Variants in C4orf46 observed in about 807,000 individuals in gnomAD.
C4orf46 encodes the protein chromosome 4 open reading frame 46.
C4orf46 carries 8 observed loss-of-function variants against 9.1 expected under a neutral mutation model. The observed-to-expected ratio is 0.88, with a 90% CI of 0.52 to 1.59. The LOEUF (loss-of-function observed/expected upper bound fraction) is 1.59. Among genes scored for constraint, C4orf46 ranks in the 40% most tolerant of loss-of-function variants. The pLI, the probability that C4orf46 is intolerant of heterozygous loss-of-function variation, is 0.00. For missense variants in C4orf46, 151 were observed against 139.1 expected (o/e 1.09, Z -0.43); for synonymous variants, 51 against 58.8 (o/e 0.87, Z 0.61).
rs1171773479 is a variant in C4orf46, at chr4:158,669,615, A to G, written c.340T>C (p.Ter114ArgextTer29). ...ATTAAACAACGAAGTATGCCAAATCAGTCATCAGGTTTCAAAGAATCATAG... is the reference window on the plus strand; with the variant it reads ...ATTAAACAACGAAGTATGCCAAATCGGTCATCAGGTTTCAAAGAATCATAG... ...EGYDSLKPDD[*>R] The change falls in exon 2 of 2, where the codon TGA becomes CGA. Residue 114 changes from the stop codon to arginine, a stop_lost. Coordinates refer to ENST00000379205, the MANE Select transcript of C4orf46 (RefSeq NM_001008393.4). 1.2e-6 allele frequency: 2 copies of G among 1,611,720 alleles called. No individual in the cohort carries two copies. The highest frequency in any genetic ancestry group is 2.2e-5 in the South Asian group (2 of 90,396).
At position 158,667,954 on chromosome 4, in the gene C4orf46, C is replaced by T. The variant is rs145769470; in HGVS notation, c.*1659G>A. Reference sequence around the variant, plus strand: ...AAAAACACATGCTATATTATGCCCCCTCTAGTGGTTACCTCTGGGGACTCT... The same window carrying T: ...AAAAACACATGCTATATTATGCCCCTTCTAGTGGTTACCTCTGGGGACTCT... On this transcript the variant is annotated 3_prime_UTR_variant, in exon 2 of 2. Transcript: ENST00000379205. 1.4e-4 allele frequency: 22 copies of T among 152,244 alleles called. No homozygotes were observed. Among genetic ancestry groups the T allele is most frequent in the African/African-American group, 5.1e-4 (21 of 41,528 alleles). 9.4% of individuals were successfully genotyped at this position (152,244 alleles called of 1,614,324 possible). A position where few individuals can be genotyped will look rare whatever the true frequency, so the allele number is the denominator to read the frequency against.
Position 158,667,370 on chromosome 4 carries a change from AC to A in C4orf46, c.*2242del, listed in dbSNP as rs1370910428. ...GGACTATTTTTATGACATTTCCTATACAAAAACCAGAAAAAGCAAATCATTA... is the reference window on the plus strand; with the variant it reads ...GGACTATTTTTATGACATTTCCTATAAAAAACCAGAAAAAGCAAATCATTA... On this transcript the variant is annotated 3_prime_UTR_variant, in exon 2 of 2. Transcript: ENST00000379205. 6.6e-6 allele frequency: 1 copy of A among 152,240 alleles called. No individual in the cohort carries two copies. The highest frequency in any genetic ancestry group is 1.5e-5 in the Non-Finnish European group (1 of 68,048). The allele number at this position is 152,240 out of a possible 1,614,324, so 9.4% of individuals were successfully genotyped here.
At chr4:158,671,588 G>A (rs775644595) in intron 1 of C4orf46, 28 bp downstream of exon 1, 10 of 1,459,382 alleles carry the variant, frequency 6.9e-6, no homozygotes, top group Non-Finnish European at 9.1e-6. Context: ...GGCGCCGAGG[G>A]GGGACGCGGT....
chr4:158,667,811 T>C lies in C4orf46; in HGVS notation c.*1802A>G, dbSNP rs1773420873. 6.6e-6 allele frequency: 1 copy of C among 152,180 alleles called. No homozygotes were observed. The highest frequency in any genetic ancestry group is 1.5e-5 in the Non-Finnish European group (1 of 68,062). The allele number at this position is 152,180 out of a possible 1,614,324, so 9.4% of individuals were successfully genotyped here. On this transcript the variant is annotated 3_prime_UTR_variant, in exon 2 of 2. Transcript: ENST00000379205. Reference sequence around the variant, plus strand: ...CACTGTAAAATGCAGGAGAAGGCTATACTGGGGCATGAACACCAGGAGGCC... The same window carrying C: ...CACTGTAAAATGCAGGAGAAGGCTACACTGGGGCATGAACACCAGGAGGCC...
In C4orf46 at chr4:158,669,545, C is replaced by A; in HGVS notation, c.*68G>T. The A allele has an allele frequency of 6.7e-7, 1 of 1,491,546 alleles. No individual in the cohort carries two copies. Among genetic ancestry groups the A allele is most frequent in the Non-Finnish European group, 9.3e-7 (1 of 1,077,684 alleles). The allele number at this position is 1,491,546 out of a possible 1,614,324, so 92.4% of individuals were successfully genotyped here. Reference sequence around the variant, plus strand: ...CAGAGGTCATCCTATATGTGTGGTACATGTACAAAATATGACATAAGAAGT... The same window carrying A: ...CAGAGGTCATCCTATATGTGTGGTAAATGTACAAAATATGACATAAGAAGT... On this transcript the variant is annotated 3_prime_UTR_variant, in exon 2 of 2. Transcript: ENST00000379205.
chr4:158,667,079 A>G lies in C4orf46; in HGVS notation c.*2534T>C, dbSNP rs1773398941. On this transcript the variant is annotated 3_prime_UTR_variant, in exon 2 of 2. Transcript: ENST00000379205. ...CAAGCACCTTTAGCTCGAAATAATC[A>G]GTATGCCAAATCGGCATATTTGGGG... is the stretch of plus-strand genomic sequence containing the variant. The G allele has an allele frequency of 6.6e-6, 1 of 152,206 alleles. No individual in the cohort carries two copies. The highest frequency in any genetic ancestry group is 2.1e-4 in the South Asian group (1 of 4,826). 9.4% of individuals were successfully genotyped at this position (152,206 alleles called of 1,614,324 possible).
rs140720883 is a variant in C4orf46, at chr4:158,671,639, C to T, written c.163G>A (p.Glu55Lys). ...SSGPTVDQLE[E>K]VELQIGDAAF... is the part of the protein sequence containing the mutation. ...ACGTCTCCGATCTGCAGCTCCACTT[C>T]CTCCAGCTGGTCCACCGTTGGGCCG... is the stretch of plus-strand genomic sequence containing the variant. Residue 55 changes from glutamate (E) to lysine (K), a missense_variant, in exon 1 of 2, where the codon GAA (glutamate) becomes AAA (lysine). Glu to Lys is a moderately conservative substitution (Grantham distance 56, BLOSUM62 1). Coordinates refer to ENST00000379205, the MANE Select transcript of C4orf46 (RefSeq NM_001008393.4). 2.5e-5 allele frequency: 39 copies of T among 1,585,314 alleles called. 1 individual carries two copies. The African/African-American group carries it at 4.8e-4, about 19-fold the overall frequency.
At chr4:158,671,567 G>A in intron 1 of C4orf46, 49 bp downstream of exon 1, 3 of 1,406,508 alleles carry the variant, frequency 2.1e-6, no homozygotes, top group Non-Finnish European at 2.8e-6. Context: ...GCCGCCGCCG[G>A]TCTTCCCAGA....
Position 158,671,827 on chromosome 4 carries a change from C to G in C4orf46, c.-26G>C, listed in dbSNP as rs1292201619. On this transcript the variant is annotated 5_prime_UTR_variant, in exon 1 of 2. Transcript: ENST00000379205. Reference sequence around the variant, plus strand: ...GGGGAAGGGTTGGGACCGCGGAATCCGACCCGAGAAGCCGAACCGACACCA... The same window carrying G: ...GGGGAAGGGTTGGGACCGCGGAATCGGACCCGAGAAGCCGAACCGACACCA... 2.7e-6 allele frequency: 4 copies of G among 1,461,370 alleles called. No homozygotes were observed. The East Asian group carries it at 1.1e-4, about 39-fold the overall frequency. 90.5% of individuals were successfully genotyped at this position (1,461,370 alleles called of 1,614,324 possible).
chr4:158,671,616 G>T lies in C4orf46; in HGVS notation c.186C>A (p.Asp62Glu). ...QLEEVELQIG[D>E]AAFSLTKLLE... ...GACGCGGTCCCGACACCACACTCAC[G>T]TCTCCGATCTGCAGCTCCACTTCCT... is the stretch of plus-strand genomic sequence containing the variant. The change falls in exon 1 of 2, where the codon GAC (aspartate) becomes GAA (glutamate). Residue 62 changes from aspartate (D) to glutamate (E), a missense_variant and splice_region_variant. Asp to Glu is a conservative substitution (Grantham distance 45). Transcript: ENST00000379205. 1.3e-6 allele frequency: 2 copies of T among 1,546,740 alleles called. No individual in the cohort carries two copies. The highest frequency in any genetic ancestry group is 1.8e-6 in the Non-Finnish European group (2 of 1,142,494).
Position 158,667,122 on chromosome 4 carries a change from C to T in C4orf46, c.*2491G>A, listed in dbSNP as rs914066336. On this transcript the variant is annotated 3_prime_UTR_variant, in exon 2 of 2. Coordinates refer to ENST00000379205, the MANE Select transcript of C4orf46 (RefSeq NM_001008393.4). Reference sequence around the variant, plus strand: ...ATTTGGGGGTGGCATGTTCAAATTTCCTTCAGATAAAAAGAACAGAAAGGT... The same window carrying T: ...ATTTGGGGGTGGCATGTTCAAATTTTCTTCAGATAAAAAGAACAGAAAGGT... 3 of 152,154 alleles carry T rather than the reference C, an allele frequency of 2.0e-5. No homozygotes were observed. Among genetic ancestry groups the T allele is most frequent in the African/African-American group, 7.2e-5 (3 of 41,436 alleles). The allele number at this position is 152,154 out of a possible 1,614,324, so 9.4% of individuals were successfully genotyped here.
rs1345984969 is a variant in C4orf46, at chr4:158,668,336, TG to T, written c.*1276del. 1 of 152,674 alleles carries T rather than the reference TG, an allele frequency of 6.5e-6. No homozygotes were observed. The highest frequency in any genetic ancestry group is 1.5e-5 in the Non-Finnish European group (1 of 68,042). 9.5% of individuals were successfully genotyped at this position (152,674 alleles called of 1,614,324 possible). On this transcript the variant is annotated 3_prime_UTR_variant, in exon 2 of 2. Transcript: ENST00000379205. ...TTTGGTATAGAAATCACACCCTATGTGTTTATCTTTAACTAAAAAAACTAAT... is the reference window on the plus strand; with the variant it reads ...TTTGGTATAGAAATCACACCCTATGTTTTATCTTTAACTAAAAAAACTAAT...
At chr4:158,671,270 G>A (rs1016883556) in intron 1 of C4orf46, among the ~76,000 whole-genome samples, 1 of 152,246 alleles carries the variant, frequency 6.6e-6, no homozygotes, top group African/African-American at 2.4e-5. Flanking sequence ...AAAGGAGGAG[G>A]CAGAGAGCCA....
chr4:158,669,343 T>C lies in C4orf46; in HGVS notation c.*270A>G. 1 of 281,266 alleles carries C rather than the reference T, an allele frequency of 3.6e-6. No individual in the cohort carries two copies. The highest frequency in any genetic ancestry group is 6.6e-6 in the Non-Finnish European group (1 of 150,412). The allele number at this position is 281,266 out of a possible 1,614,324, so 17.4% of individuals were successfully genotyped here. A position where few individuals can be genotyped will look rare whatever the true frequency, so the allele number is the denominator to read the frequency against. On this transcript the variant is annotated 3_prime_UTR_variant, in exon 2 of 2. Transcript: ENST00000379205. ...GGTAGCACTGTGGCTCTATTAATAT[T>C]AACCGTCTATTGATGAAGTTAACTT...
chr4:158,671,590 G>A, intron 1 of C4orf46, 26 bp downstream of exon 1: 1 of 1,459,588 alleles, frequency 6.9e-7, no homozygotes, highest in South Asian at 1.4e-5. Flanking sequence ...CGCCGAGGGG[G>A]GACGCGGTCC....
At position 158,669,693 on chromosome 4, in the gene C4orf46, A is replaced by C. The variant is rs780878022; in HGVS notation, c.262T>G (p.Cys88Gly). The change falls in exon 2 of 2, where the codon TGT becomes GGT. Residue 88 changes from cysteine to glycine, a missense_variant. By Grantham distance (159) the Cys-to-Gly change is radical. Coordinates refer to ENST00000379205, the MANE Select transcript of C4orf46 (RefSeq NM_001008393.4). ...SAQVEELAFK[C>G]TENARFLKTW... ...TTAAGGAAACGTGCATTTTCTGTAC[A>C]TTTGAAGGCAAGTTCTTCCACTTGA... is the stretch of plus-strand genomic sequence containing the variant. The C allele has an allele frequency of 5.0e-6, 8 of 1,613,788 alleles. No homozygotes were observed. In the East Asian group the frequency reaches 1.6e-4, roughly 31 times the overall value.
chr4:158,671,844 C>T lies in C4orf46; in HGVS notation c.-43G>A. The T allele has an allele frequency of 1.4e-6, 2 of 1,421,316 alleles. No individual in the cohort carries two copies. Among genetic ancestry groups the T allele is most frequent in the East Asian group, 5.4e-5 (2 of 37,022 alleles). The allele number at this position is 1,421,316 out of a possible 1,614,324, so 88.0% of individuals were successfully genotyped here. On this transcript the variant is annotated 5_prime_UTR_variant, in exon 1 of 2. Coordinates refer to ENST00000379205, the MANE Select transcript of C4orf46 (RefSeq NM_001008393.4). ...GCGGAATCCGACCCGAGAAGCCGAA[C>T]CGACACCAACTGTCTTTTAACCACT...
rs72969636 is a variant in C4orf46, at chr4:158,668,111, G to A, written c.*1502C>T. Reference sequence around the variant, plus strand: ...ATGCTAACATTTATTACATCTGCATGGTAGAAATACACGGATTTTCTTGAA... The same window carrying A: ...ATGCTAACATTTATTACATCTGCATAGTAGAAATACACGGATTTTCTTGAA... On this transcript the variant is annotated 3_prime_UTR_variant, in exon 2 of 2. Transcript: ENST00000379205. The A allele has an allele frequency of 6.8e-3, 1,028 of 152,146 alleles. 9 individuals are homozygous for A. Among genetic ancestry groups the A allele is most frequent in the African/African-American group, 0.024 (998 of 41,458 alleles). 9.4% of individuals were successfully genotyped at this position (152,146 alleles called of 1,614,324 possible). A position where few individuals can be genotyped will look rare whatever the true frequency, so the allele number is the denominator to read the frequency against.
At chr4:158,671,411 A>G (rs1399398956) in intron 1 of C4orf46, among the ~76,000 whole-genome samples, 3 of 152,134 alleles carry the variant, frequency 2.0e-5, no homozygotes, top group Admixed American at 1.3e-4. Flanking sequence ...TCACCACTAA[A>G]TCTAAAGGGG....
Sources: allele counts gnomAD v4.1 joint callset (sites outside exome capture counted in the v4.1 genomes callset), GRCh38; gene constraint gnomAD v4.1.1; transcripts MANE v1.5; gene names NCBI Gene and HGNC (gene_info 2026-07-23, HGNC 2026-07-21).